Variants in RNF207 observed in about 807,000 individuals in gnomAD.
RNF207 encodes the protein ring finger protein 207.
RNF207 carries 72 observed loss-of-function variants against 79.0 expected under a neutral mutation model. The observed-to-expected ratio is 0.91, with a 90% CI of 0.75 to 1.11. RNF207 has a LOEUF of 1.11. RNF207 is among the 50% of genes least tolerant of loss of function. The pLI is 0.00. For synonymous variants in RNF207, 348 were observed against 366.2 expected (o/e 0.95, Z 0.57); for missense variants, 936 against 855.8 (o/e 1.09, Z -1.17).
At chr1:6,208,342 G>A (rs1667998993) in intron 3 of RNF207, 1 of 151,852 alleles carries the variant, frequency 6.6e-6, no homozygotes, top group African/African-American at 2.4e-5. Context: ...TTTTTGAGAC[G>A]GATTCTTGCT....
Position 6,212,345 on chromosome 1 carries a change from T to G in RNF207, c.1411T>G (p.Ser471Ala), listed in dbSNP as rs1272468376. The G allele has an allele frequency of 6.2e-7, 1 of 1,613,584 alleles. No individual in the cohort carries two copies. Among genetic ancestry groups the G allele is most frequent in the Non-Finnish European group, 8.5e-7 (1 of 1,179,940 alleles). Residue 471 changes from serine to alanine, a missense_variant, in exon 14 of 18, where the codon TCC becomes GCC. Coordinates refer to ENST00000377939, the MANE Select transcript of RNF207 (RefSeq NM_207396.3). Reference protein sequence around the residue: ...AEIMGDVLHKSLQLDVQIASE... With the variant: ...AEIMGDVLHKALQLDVQIASE... ...GATCATGGGAGACGTCCTGCACAAG[T>G]CCCTGCAACTGGACGTGCAGATCGC...
At position 6,212,009 on chromosome 1, in the gene RNF207, A is replaced by AG. The variant is rs1557588864; in HGVS notation, c.1252_1253insG (p.Thr418SerfsTer11). The AG allele has an allele frequency of 6.3e-7, 1 of 1,591,688 alleles. No homozygotes were observed. The highest frequency in any genetic ancestry group is 1.1e-5 in the South Asian group (1 of 88,394). ...GGTGCTGCTGGCGGAGGGCGAGAAC[A>AG]CGCCCTTCGCAGAGCACTGCCGCCA... On this transcript the variant is annotated frameshift_variant, in exon 13 of 18. Coordinates refer to ENST00000377939, the MANE Select transcript of RNF207 (RefSeq NM_207396.3). LOFTEE classifies it high-confidence loss of function.
At position 6,209,355 on chromosome 1, in the gene RNF207, G is replaced by T. The variant is rs764807494; in HGVS notation, c.627+12G>T. ...AGCAGGCGGTGCTGGTGAGCGCAGGGGCCTGGCGCGCGGGGCCGCGCGGCG... is the reference window on the plus strand; with the variant it reads ...AGCAGGCGGTGCTGGTGAGCGCAGGTGCCTGGCGCGCGGGGCCGCGCGGCG... On this transcript the variant is annotated intron_variant, in intron 6 of 17. Coordinates refer to ENST00000377939, the MANE Select transcript of RNF207 (RefSeq NM_207396.3). 2 of 1,534,578 alleles carry T rather than the reference G, an allele frequency of 1.3e-6. No individual in the cohort carries two copies. The highest frequency in any genetic ancestry group is 1.7e-6 in the Non-Finnish European group (2 of 1,143,390).
At chr1:6,215,534 C>A (rs61760807) in intron 16 of RNF207, among the ~76,000 whole-genome samples, 2,946 of 152,178 alleles carry the variant, frequency 0.019, 46 homozygotes, top group Non-Finnish European at 0.03. Flanking sequence ...TCTTTCTGTA[C>A]CCCGTTTCTT....
Position 6,219,514 on chromosome 1 carries a change from A to G in RNF207, c.*107A>G. Reference sequence around the variant, plus strand: ...GTTTTTTTTATTTTTTATTTTTGAGATGGAGTTTCGCTCTGTTGCCCAGGC... The same window carrying G: ...GTTTTTTTTATTTTTTATTTTTGAGGTGGAGTTTCGCTCTGTTGCCCAGGC... On this transcript the variant is annotated 3_prime_UTR_variant, in exon 18 of 18. Coordinates refer to ENST00000377939, the MANE Select transcript of RNF207 (RefSeq NM_207396.3). The G allele has an allele frequency of 1.2e-6, 1 of 854,448 alleles. No homozygotes were observed. Among genetic ancestry groups the G allele is most frequent in the Middle Eastern group, 3.8e-4 (1 of 2,634 alleles). 52.9% of individuals were successfully genotyped at this position (854,448 alleles called of 1,614,324 possible).
At chr1:6,213,411 C>T (rs973756430) in intron 16 of RNF207, among the ~76,000 whole-genome samples, 2 of 150,054 alleles carry the variant, frequency 1.3e-5, no homozygotes, top group Non-Finnish European at 2.9e-5. Context: ...ATCCCAGCTA[C>T]TGGGGAGGCT....
At position 6,219,934 on chromosome 1, in the gene RNF207, T is replaced by A. The variant is rs1668495699; in HGVS notation, c.*527T>A. The A allele has an allele frequency of 6.6e-6, 1 of 152,254 alleles. No individual in the cohort carries two copies. Among genetic ancestry groups the A allele is most frequent in the East Asian group, 1.9e-4 (1 of 5,188 alleles). 9.4% of individuals were successfully genotyped at this position (152,254 alleles called of 1,614,324 possible). ...ACCTCAGCCCCCAGAGTAGCTGGGA[T>A]TACAGGCATGTACCATCACACCCGG... On this transcript the variant is annotated 3_prime_UTR_variant, in exon 18 of 18. Transcript: ENST00000377939.
In RNF207 at chr1:6,213,133, C is replaced by T. The variant is rs767719625; in HGVS notation, c.1602C>T (p.Ile534=). ...NAYLTTITKQ[I]TPYVRSIAKV... is the part of the protein sequence containing the mutation. ...ACCTGACCACCATCACCAAGCAGAT[C>T]ACGCCCTACGTCCGCTCCATTGCCA... Residue 534 remains isoleucine, a synonymous_variant, in exon 16 of 18, where the codon ATC becomes ATT. Coordinates refer to ENST00000377939, the MANE Select transcript of RNF207 (RefSeq NM_207396.3). 1.6e-5 allele frequency: 26 copies of T among 1,613,262 alleles called. No individual in the cohort carries two copies. In the Admixed American group the frequency reaches 4.3e-4, roughly 27 times the overall value.
rs916743383 is a variant in RNF207 at position 6,212,019 on chromosome 1, C to T, written c.1262C>T (p.Ala421Val). Residue 421 changes from alanine (A) to valine (V), a missense_variant, in exon 13 of 18, where the codon GCA becomes GTA. Ala to Val is a moderately conservative substitution (Grantham distance 64). Transcript: ENST00000377939. ...LLAEGENTPF[A>V]EHCRHYEDSY... ...GCGGAGGGCGAGAACACGCCCTTCG[C>T]AGAGCACTGCCGCCACTATGAGGAC... The T allele has an allele frequency of 6.3e-7, 1 of 1,593,964 alleles. No homozygotes were observed. Among genetic ancestry groups the T allele is most frequent in the Non-Finnish European group, 8.5e-7 (1 of 1,171,358 alleles).
At chr1:6,214,054 G>T (rs1371796038) in intron 16 of RNF207, among the ~76,000 whole-genome samples, 1 of 152,202 alleles carries the variant, frequency 6.6e-6, no homozygotes, top group Non-Finnish European at 1.5e-5. Flanking sequence ...GTTTGGGATG[G>T]CAGGGTCTGA....
chr1:6,213,694 C>T (rs1224399460), intron 16 of RNF207, among the ~76,000 whole-genome samples: 4 of 152,174 alleles, frequency 2.6e-5, no homozygotes, highest in Admixed American at 2.6e-4. Context: ...AAGCAGAAGG[C>T]ACTTTCTAAG....
At chr1:6,216,828 A>C (rs1299788571) in intron 16 of RNF207, among the ~76,000 whole-genome samples, 1 of 151,374 alleles carries the variant, frequency 6.6e-6, no homozygotes, top group African/African-American at 2.4e-5. Flanking sequence ...TCGGCCTCCC[A>C]AAGTGCTGGG....
At position 6,209,430 on chromosome 1, in the gene RNF207, A is replaced by G; in HGVS notation, c.644A>G (p.Gln215Arg). Residue 215 changes from glutamine to arginine, a missense_variant, in exon 7 of 18, where the codon CAG (glutamine) becomes CGG (arginine). Gln to Arg is a conservative substitution (Grantham distance 43). Transcript: ENST00000377939. The part of the protein sequence containing the change: ...EQAVLAVKAL[Q>R]TATREAIALL... ...TGTCCCCAGGCCGTGAAGGCCCTGC[A>G]GACGGCCACGCGGGAGGCCATCGCG... 1 of 1,518,754 alleles carries G rather than the reference A, an allele frequency of 6.6e-7. No individual in the cohort carries two copies. The highest frequency in any genetic ancestry group is 8.8e-7 in the Non-Finnish European group (1 of 1,138,658). The allele number at this position is 1,518,754 out of a possible 1,614,324, so 94.1% of individuals were successfully genotyped here.
At chr1:6,218,481 G>A (rs1287374855) in intron 17 of RNF207, 112 bp downstream of exon 17, 3 of 740,638 alleles carry the variant, frequency 4.1e-6, no homozygotes, top group Admixed American at 2.7e-5. Context: ...CTGGGGCCCT[G>A]GCTGGGCCTC....
intron 10 of RNF207, 53 bp downstream of exon 10, chr1:6,210,491 G>T: frequency 1.4e-6 from 2 of 1,441,608 alleles, no homozygotes; most frequent in South Asian, 2.4e-5. Context: ...AGCCCACCCT[G>T]CAGACCAAAG....
intron 1 of RNF207, 52 bp from the exon 2 acceptor site, chr1:6,206,484 T>C: frequency 2.9e-6 from 4 of 1,394,236 alleles, no homozygotes; most frequent in Non-Finnish European, 2.9e-6. Context: ...CCGCGGGAGC[T>C]CAAGCGGGGC....
Position 6,210,155 on chromosome 1 carries a change from G to A in RNF207, c.801-68G>A, listed in dbSNP as rs554744287. 1,998 of 1,420,948 alleles carry A rather than the reference G, an allele frequency of 1.4e-3. 1 individual carries two copies. Among genetic ancestry groups the A allele is most frequent in the Non-Finnish European group, 1.8e-3 (1,842 of 1,015,734 alleles). The allele number at this position is 1,420,948 out of a possible 1,614,324, so 88.0% of individuals were successfully genotyped here. ...GGGACGGACATGCGAAGCTGGAGGCGGGTGGGGGATGGAACTGCCCGGCCC... is the reference window on the plus strand; with the variant it reads ...GGGACGGACATGCGAAGCTGGAGGCAGGTGGGGGATGGAACTGCCCGGCCC... On this transcript the variant is annotated intron_variant, in intron 8 of 17. Transcript: ENST00000377939.
chr1:6,206,775 C>A, intron 2 of RNF207, 49 bp downstream of exon 2: 1 of 1,530,434 alleles, frequency 6.5e-7, no homozygotes, highest in Non-Finnish European at 8.8e-7. Flanking sequence ...ATCCCCCGGG[C>A]CCAAGGTTGG....
chr1:6,212,081 GGGA>G, intron 13 of RNF207, 28 bp downstream of exon 13: 1 of 1,578,092 alleles, frequency 6.3e-7, no homozygotes, highest in African/African-American at 1.4e-5. Flanking sequence ...TGCCGGAGGG[GGGA>G]GATGTCCTAA....
Sources: allele counts gnomAD v4.1 joint callset (sites outside exome capture counted in the v4.1 genomes callset), GRCh38; gene constraint gnomAD v4.1.1; transcripts MANE v1.5; gene names NCBI Gene and HGNC (gene_info 2026-07-23, HGNC 2026-07-21).